ZFAND3: variants seen among roughly 807,000 people sequenced by gnomAD.
ZFAND3 encodes AN1-type zinc finger protein 3.
Under a neutral mutation model 29.6 loss-of-function variants are expected in ZFAND3, and 10 were observed. That is an observed-to-expected ratio of 0.34 (90% CI 0.21 to 0.57). The LOEUF (loss-of-function observed/expected upper bound fraction) is 0.57. Ranked by LOEUF, ZFAND3 falls within the 20% of genes least tolerant of loss-of-function variation. ZFAND3 has a pLI of 0.86. For missense variants in ZFAND3, 230 were observed against 304.5 expected, an observed-to-expected ratio of 0.76 and a Z score of 1.82; for synonymous variants, 128 against 112.6, an observed-to-expected ratio of 1.14 and a Z score of -0.87.
intron 1 of ZFAND3, among the ~76,000 whole-genome samples, chr6:37,912,386 A>T (rs1298919232): frequency 6.6e-6 from 1 of 152,216 alleles, no homozygotes; most frequent in African/African-American, 2.4e-5. Context: ...CTGATGGTTC[A>T]GGAAAGTTGG....
chr6:37,851,760 G>A (rs1332060597), intron 1 of ZFAND3, among the ~76,000 whole-genome samples: 1 of 152,204 alleles, frequency 6.6e-6, no homozygotes, highest in East Asian at 1.9e-4. Flanking sequence ...TATCTAAGGG[G>A]ACAGATTTTC....
chr6:37,977,754 A>C (rs1157704335), intron 2 of ZFAND3, among the ~76,000 whole-genome samples: 1 of 106,498 alleles, frequency 9.4e-6, no homozygotes, highest in African/African-American at 3.4e-5. Flanking sequence ...GCCCCCTTTT[A>C]TTTCTGGTTT....
Position 37,886,829 on chromosome 6 carries a change from T to C in ZFAND3, c.72-43130T>C, listed in dbSNP as rs1765003385. On this transcript the variant is annotated intron_variant, in intron 1 of 5. Transcript: ENST00000287218. ...GGCCAACATGGCAAAACCCAGTCTC[T>C]ACTAAAAAAACAAAAAACCCCAAAA... Among the ~76,000 whole-genome samples the C allele has an allele frequency of 2.0e-5, 3 of 152,072 alleles. No individual in the cohort carries two copies. In the South Asian group the frequency reaches 6.2e-4, roughly 32 times the overall value.
intron 1 of ZFAND3, among the ~76,000 whole-genome samples, chr6:37,857,266 C>A (rs1166984087): frequency 6.6e-6 from 1 of 152,082 alleles, no homozygotes; most frequent in African/African-American, 2.4e-5. Flanking sequence ...TTATGTTTAT[C>A]AACACAATTG....
At chr6:38,072,419 A>G (rs190492948) in intron 3 of ZFAND3, among the ~76,000 whole-genome samples, 2 of 152,312 alleles carry the variant, frequency 1.3e-5, no homozygotes, top group African/African-American at 4.8e-5. Flanking sequence ...TTCAAGCAAC[A>G]TCATCACTGT....
intron 1 of ZFAND3, among the ~76,000 whole-genome samples, chr6:37,833,917 A>G (rs1236019169): frequency 6.6e-6 from 1 of 152,102 alleles, no homozygotes; most frequent in Non-Finnish European, 1.5e-5. Context: ...GAGTTCCCAT[A>G]TACCCTTTAA....
At chr6:37,834,510 A>C (rs755858098) in intron 1 of ZFAND3, among the ~76,000 whole-genome samples, 1 of 152,196 alleles carries the variant, frequency 6.6e-6, no homozygotes, top group Non-Finnish European at 1.5e-5. Context: ...ATTTGGTTAC[A>C]TACCAAGGAA....
At chr6:37,977,294 A>G (rs1305210080) in intron 2 of ZFAND3, among the ~76,000 whole-genome samples, 2 of 152,078 alleles carry the variant, frequency 1.3e-5, no homozygotes, top group African/African-American at 4.8e-5. Flanking sequence ...CTTCAGTACT[A>G]TTTATTTATG....
intron 4 of ZFAND3, among the ~76,000 whole-genome samples, chr6:38,113,601 GT>G: frequency 6.6e-6 from 1 of 152,326 alleles, no homozygotes; most frequent in Admixed American, 6.5e-5. Context: ...CAGGGCAGGG[GT>G]TGGGGGGTCC....
At chr6:38,070,314 C>T (rs1764426732) in intron 3 of ZFAND3, among the ~76,000 whole-genome samples, 2 of 151,794 alleles carry the variant, frequency 1.3e-5, no homozygotes, top group Non-Finnish European at 2.9e-5. Context: ...ATTCCAGCTA[C>T]TCGGGGGGCT....
chr6:37,971,665 T>G (rs1424054492), intron 2 of ZFAND3, among the ~76,000 whole-genome samples: 1 of 152,154 alleles, frequency 6.6e-6, no homozygotes, highest in African/African-American at 2.4e-5. Flanking sequence ...TATCAGATTC[T>G]TTCCATTGAT....
rs1048470301 is a variant in ZFAND3 at position 37,877,884 on chromosome 6, C to T, written c.72-52075C>T. Among the ~76,000 whole-genome samples the T allele has an allele frequency of 9.9e-5, 15 of 152,248 alleles. No homozygotes were observed. The East Asian group carries it at 2.3e-3, about 24-fold the overall frequency. ...CGAGTTTTATTTTAAGTGAAGCAGACGCTGGAAGGTTTTAAGCAGGGAATG... is the reference window on the plus strand; with the variant it reads ...CGAGTTTTATTTTAAGTGAAGCAGATGCTGGAAGGTTTTAAGCAGGGAATG... On this transcript the variant is annotated intron_variant, in intron 1 of 5. Transcript: ENST00000287218.
In ZFAND3 at chr6:38,154,252, C is replaced by T. The variant is rs1222613523; in HGVS notation, c.*1863C>T. 4.7e-5 allele frequency: 46 copies of T among 985,420 alleles called. No homozygotes were observed. Among genetic ancestry groups the T allele is most frequent in the Non-Finnish European group, 5.4e-5 (45 of 830,006 alleles). 61.0% of individuals were successfully genotyped at this position (985,420 alleles called of 1,614,324 possible). ...CCCGAAGAGGCTGTGCGAGCCCTTCCCGGCCCTCCCCAGGGCCCCCCGCCC... is the reference window on the plus strand; with the variant it reads ...CCCGAAGAGGCTGTGCGAGCCCTTCTCGGCCCTCCCCAGGGCCCCCCGCCC... On this transcript the variant is annotated 3_prime_UTR_variant, in exon 6 of 6. Coordinates refer to ENST00000287218, the MANE Select transcript of ZFAND3 (RefSeq NM_021943.3).
At chr6:37,880,573 G>T (rs1764873758) in intron 1 of ZFAND3, among the ~76,000 whole-genome samples, 1 of 152,120 alleles carries the variant, frequency 6.6e-6, no homozygotes, top group Non-Finnish European at 1.5e-5. Flanking sequence ...GAGTTAAAAA[G>T]TGTGTATTAC....
chr6:38,116,081 A>C (rs1468499499), intron 4 of ZFAND3, among the ~76,000 whole-genome samples: 1 of 152,232 alleles, frequency 6.6e-6, no homozygotes, highest in Non-Finnish European at 1.5e-5. Flanking sequence ...TCACTCATCA[A>C]ACGCTGGCTT....
chr6:37,964,125 A>C (rs987170210), intron 2 of ZFAND3, among the ~76,000 whole-genome samples: 2 of 152,210 alleles, frequency 1.3e-5, no homozygotes, highest in East Asian at 1.9e-4. Flanking sequence ...AAATAAAACA[A>C]ATCTTTGAGT....
intron 1 of ZFAND3, among the ~76,000 whole-genome samples, chr6:37,901,093 G>C (rs1043982884): frequency 2.0e-5 from 3 of 152,100 alleles, no homozygotes; most frequent in African/African-American, 7.2e-5. Flanking sequence ...AGGCTACTGT[G>C]GTGTTAGAGG....
intron 3 of ZFAND3, 128 bp from the exon 4 acceptor site, chr6:38,082,264 A>T: frequency 1.3e-6 from 1 of 787,912 alleles, no homozygotes; most frequent in Non-Finnish European, 2.0e-6. Flanking sequence ...CGTCTTTCCT[A>T]CTACTTCTCC....
chr6:37,851,396 A>C (rs1007840025), intron 1 of ZFAND3, among the ~76,000 whole-genome samples: 3 of 151,998 alleles, frequency 2.0e-5, no homozygotes, highest in African/African-American at 7.2e-5. Flanking sequence ...TCATTTACCC[A>C]CCAAAAAAGG....
Sources: allele counts gnomAD v4.1 joint callset (sites outside exome capture counted in the v4.1 genomes callset), GRCh38; gene constraint gnomAD v4.1.1; transcripts MANE v1.5; gene names NCBI Gene and HGNC (gene_info 2026-07-23, HGNC 2026-07-21).